Variants in GRM5 observed in about 807,000 individuals in gnomAD.
GRM5 encodes glutamate metabotropic receptor 5.
Under a neutral mutation model 83.1 loss-of-function variants are expected in GRM5, and 19 were observed. The observed-to-expected ratio is 0.23, with a 90% CI of 0.16 to 0.34. The LOEUF (loss-of-function observed/expected upper bound fraction) is 0.34. Ranked by LOEUF, GRM5 falls within the 10% of genes least tolerant of loss-of-function variation. The pLI is 1.00. For missense variants in GRM5, 1,160 were observed against 1,588.3 expected (o/e 0.73, Z 4.58); for synonymous variants, 675 against 633.6 (o/e 1.07, Z -0.98).
At chr11:88,805,693 G>A (rs929349119) in intron 3 of GRM5, among the ~76,000 whole-genome samples, 1 of 152,110 alleles carries the variant, frequency 6.6e-6, no homozygotes, top group African/African-American at 2.4e-5. Flanking sequence ...GACTTAGAGA[G>A]TATGTCTTAT....
At chr11:88,546,618 A>G (rs897906068) in intron 8 of GRM5, among the ~76,000 whole-genome samples, 3 of 152,096 alleles carry the variant, frequency 2.0e-5, no homozygotes, top group African/African-American at 7.2e-5. Flanking sequence ...AGTGAATGGT[A>G]AAGTCTTAAT....
At chr11:88,876,877 T>A (rs1229768417) in intron 2 of GRM5, among the ~76,000 whole-genome samples, 1 of 152,014 alleles carries the variant, frequency 6.6e-6, no homozygotes, top group African/African-American at 2.4e-5. Context: ...GGAGTACTAC[T>A]CAGCCATAAA....
intron 3 of GRM5, among the ~76,000 whole-genome samples, chr11:88,775,049 G>A (rs781637182): frequency 3.9e-4 from 60 of 152,158 alleles, no homozygotes; most frequent in Non-Finnish European, 6.8e-4. Flanking sequence ...TGTAGAATTC[G>A]GCTGTGAATC....
intron 8 of GRM5, among the ~76,000 whole-genome samples, chr11:88,532,057 A>T (rs1942023680): frequency 6.6e-6 from 1 of 152,158 alleles, no homozygotes; most frequent in African/African-American, 2.4e-5. Flanking sequence ...AGAAAAAAAC[A>T]GCCTGATTTC....
chr11:88,783,719 T>C (rs1017678859), intron 3 of GRM5, among the ~76,000 whole-genome samples: 3 of 152,064 alleles, frequency 2.0e-5, no homozygotes, highest in Non-Finnish European at 2.9e-5. Context: ...GCACAGATGA[T>C]ATATGAATGA....
chr11:88,959,130 A>G (rs1938709544), intron 2 of GRM5, among the ~76,000 whole-genome samples: 1 of 152,006 alleles, frequency 6.6e-6, no homozygotes, highest in African/African-American at 2.4e-5. Flanking sequence ...GGACCTGTGA[A>G]AGGATTCTGA....
chr11:88,759,030 A>G (rs1942454932), intron 3 of GRM5, among the ~76,000 whole-genome samples: 1 of 152,172 alleles, frequency 6.6e-6, no homozygotes, highest in Non-Finnish European at 1.5e-5. Context: ...ACACAAGCAA[A>G]TACTGAGGGA....
chr11:89,012,031 T>C (rs898218537), intron 2 of GRM5, among the ~76,000 whole-genome samples: 1 of 151,948 alleles, frequency 6.6e-6, no homozygotes, highest in Non-Finnish European at 1.5e-5. Context: ...CAATAATGCA[T>C]AGGCTAATGG....
chr11:88,962,093 C>T (rs1938802038), intron 2 of GRM5, among the ~76,000 whole-genome samples: 1 of 152,166 alleles, frequency 6.6e-6, no homozygotes, highest in South Asian at 2.1e-4. Flanking sequence ...GCATAAAAAT[C>T]AGAAAGTCAG....
At chr11:88,902,471 C>G (rs1477337682) in intron 2 of GRM5, among the ~76,000 whole-genome samples, 1 of 151,988 alleles carries the variant, frequency 6.6e-6, no homozygotes, top group East Asian at 1.9e-4. Flanking sequence ...TTATTAGGTA[C>G]TCAAATGTTA....
chr11:88,897,062 A>G (rs557132948), intron 2 of GRM5, among the ~76,000 whole-genome samples: 1 of 152,094 alleles, frequency 6.6e-6, no homozygotes, highest in South Asian at 2.1e-4. Flanking sequence ...GTTCTGAAAC[A>G]CAGGATGAAT....
intron 3 of GRM5, among the ~76,000 whole-genome samples, chr11:88,792,138 T>A (rs930845174): frequency 1.3e-5 from 2 of 152,044 alleles, no homozygotes; most frequent in African/African-American, 4.8e-5. Flanking sequence ...CCTAGTTTTT[T>A]AAAAAAATAT....
chr11:88,933,129 C>CA (rs1277064130), intron 2 of GRM5, among the ~76,000 whole-genome samples: 6 of 148,342 alleles, frequency 4.0e-5, no homozygotes, highest in African/African-American at 5.0e-5. Flanking sequence ...TAATAAACTC[C>CA]AAAAAATTGA....
intron 3 of GRM5, among the ~76,000 whole-genome samples, chr11:88,751,086 A>T (rs570280606): frequency 1.3e-5 from 2 of 148,422 alleles, no homozygotes; most frequent in East Asian, 1.9e-4. Context: ...AAAAAAAAAA[A>T]AAAAAAAAAC....
At chr11:88,948,951 A>G (rs748833816) in intron 2 of GRM5, among the ~76,000 whole-genome samples, 2 of 152,238 alleles carry the variant, frequency 1.3e-5, no homozygotes, top group African/African-American at 4.8e-5. Context: ...GAAACAAAAA[A>G]TGGTCACTTC....
intron 9 of GRM5, among the ~76,000 whole-genome samples, chr11:88,514,590 T>A (rs1241539573): frequency 6.6e-6 from 1 of 152,052 alleles, no homozygotes; most frequent in Non-Finnish European, 1.5e-5. Context: ...TATAATTCAA[T>A]ACAGGAATAC....
intron 2 of GRM5, among the ~76,000 whole-genome samples, chr11:88,952,279 G>A (rs1202083020): frequency 1.3e-5 from 2 of 152,120 alleles, no homozygotes; most frequent in African/African-American, 4.8e-5. Flanking sequence ...TCACTGAAAC[G>A]TTTTTATGAC....
At chr11:88,953,513 T>C (rs1428900598) in intron 2 of GRM5, among the ~76,000 whole-genome samples, 1 of 152,216 alleles carries the variant, frequency 6.6e-6, no homozygotes, top group Non-Finnish European at 1.5e-5. Flanking sequence ...TACACTCTGA[T>C]GGCCTGTTAA....
chr11:88,743,129 C>T (rs1942062165), intron 3 of GRM5, among the ~76,000 whole-genome samples: 2 of 152,114 alleles, frequency 1.3e-5, no homozygotes, highest in African/African-American at 4.8e-5. Flanking sequence ...ATAGAAACCC[C>T]ATGTCTGTTC....
Sources: allele counts gnomAD v4.1 joint callset (sites outside exome capture counted in the v4.1 genomes callset), GRCh38; gene constraint gnomAD v4.1.1; transcripts MANE v1.5; gene names NCBI Gene and HGNC (gene_info 2026-07-23, HGNC 2026-07-21).